NIBAN1: variants seen among roughly 807,000 people sequenced by gnomAD.
The protein encoded by NIBAN1 is niban apoptosis regulator 1, also known as protein Niban 1.
In NIBAN1, 81 loss-of-function variants were observed where a neutral mutation model predicts 75.1. The observed-to-expected ratio is 1.08, with a 90% confidence interval of 0.90 to 1.30. NIBAN1 has a LOEUF of 1.30. Ranked by LOEUF, NIBAN1 falls within the 50% of genes most tolerant of loss-of-function variation. NIBAN1 has a pLI of 0.00. For missense variants in NIBAN1, 1,133 were observed against 1,128.1 expected (o/e 1.00, Z -0.06); for synonymous variants, 436 against 424.8 (o/e 1.03, Z -0.32).
intron 11 of NIBAN1, among the ~76,000 whole-genome samples, chr1:184,804,209 A>G (rs1654125614): frequency 1.3e-5 from 2 of 152,244 alleles, no homozygotes; most frequent in South Asian, 2.1e-4. Flanking sequence ...ACATCCCAAC[A>G]TGGAGACCAG....
In NIBAN1 at chr1:184,808,073, C is replaced by T; in HGVS notation, c.1335+1G>A. On this transcript the variant is annotated splice_donor_variant, in intron 10 of 13. Coordinates refer to ENST00000367511, the MANE Select transcript of NIBAN1 (RefSeq NM_052966.4). LOFTEE classifies it high-confidence loss of function. ...ACCACGGATGCCCCTGCCACACCCA[C>T]CTCCTGCATGTAGTTCTGTGTCCTC... The T allele has an allele frequency of 1.2e-6, 2 of 1,613,822 alleles. No individual in the cohort carries two copies. The highest frequency in any genetic ancestry group is 1.7e-6 in the Non-Finnish European group (2 of 1,179,838).
chr1:184,969,142 T>A (rs945941544), intron 1 of NIBAN1, among the ~76,000 whole-genome samples: 2 of 152,254 alleles, frequency 1.3e-5, no homozygotes, highest in Non-Finnish European at 2.9e-5. Context: ...TGGGAGTTCA[T>A]GTGGACAGCT....
At chr1:184,952,350 G>A (rs921848408) in intron 1 of NIBAN1, among the ~76,000 whole-genome samples, 1 of 152,184 alleles carries the variant, frequency 6.6e-6, no homozygotes, top group African/African-American at 2.4e-5. Flanking sequence ...GTTGCAGTGA[G>A]CCATCGCACC....
Position 184,906,289 on chromosome 1 carries a change from G to GCACA in NIBAN1, c.56-6984_56-6981dup, listed in dbSNP as rs55646396. Among the ~76,000 whole-genome samples, 8 of 140,420 alleles carry GCACA rather than the reference G, an allele frequency of 5.7e-5. No individual in the cohort carries two copies. In the South Asian group the frequency reaches 1.1e-3, roughly 20 times the overall value. 92.1% of individuals were successfully genotyped at this position (140,420 alleles called of 152,430 possible). On this transcript the variant is annotated intron_variant, in intron 1 of 13. Coordinates refer to ENST00000367511, the MANE Select transcript of NIBAN1 (RefSeq NM_052966.4). ...AATGAACACACACACACACACACAT[G>GCACA]CACACACACACACACATTTGAAATT...
chr1:184,848,173 A>AT (rs1427940538), intron 5 of NIBAN1, among the ~76,000 whole-genome samples: 2 of 174 alleles, frequency 0.011, no homozygotes, highest in Non-Finnish European at 0.026. Context: ...CAGAATATAC[A>AT]TTTTTTTCAG....
rs535019746 is a variant in NIBAN1 at position 184,917,467 on chromosome 1, C to T, written c.56-18158G>A. Among the ~76,000 whole-genome samples, 4 of 151,360 alleles carry T rather than the reference C, an allele frequency of 2.6e-5. No homozygotes were observed. In the East Asian group the frequency reaches 7.8e-4, roughly 30 times the overall value. ...CTCGTGATCCGCCCGCCTCGGCCTC[C>T]CAAAGTGCTGGGATTACAGGCGTGA... On this transcript the variant is annotated intron_variant, in intron 1 of 13. Coordinates refer to ENST00000367511, the MANE Select transcript of NIBAN1 (RefSeq NM_052966.4).
At chr1:184,968,944 T>A (rs189065432) in intron 1 of NIBAN1, among the ~76,000 whole-genome samples, 207 of 152,336 alleles carry the variant, frequency 1.4e-3, no homozygotes, top group Middle Eastern at 3.4e-3. Context: ...GGACACCTCA[T>A]GGTCCATGAC....
chr1:184,823,327 G>T lies in NIBAN1; in HGVS notation c.825C>A (p.Leu275=). The T allele has an allele frequency of 6.2e-7, 1 of 1,613,984 alleles. No individual in the cohort carries two copies. The highest frequency in any genetic ancestry group is 2.2e-5 in the East Asian group (1 of 44,876). The stretch of plus-strand genomic sequence containing the variant: ...GAACCAGGGTGTAGGCCTCCTCGAG[G>T]AGCTGCAACAAGGAATAACACATAA... ...KNDRKRTWLG[L]LEEAYTLVQH... is the part of the protein sequence containing the mutation. The change falls in exon 8 of 14, where the codon CTC becomes CTA. Residue 275 remains leucine (L), a splice_region_variant and synonymous_variant. Coordinates refer to ENST00000367511, the MANE Select transcript of NIBAN1 (RefSeq NM_052966.4).
chr1:184,921,219 C>T (rs1316291143), intron 1 of NIBAN1, among the ~76,000 whole-genome samples: 1 of 151,852 alleles, frequency 6.6e-6, no homozygotes, highest in African/African-American at 2.4e-5. Flanking sequence ...ATCACTTGAA[C>T]CCGGGAGGCG....
chr1:184,898,631 C>T (rs139707673), intron 2 of NIBAN1, among the ~76,000 whole-genome samples: 6 of 152,220 alleles, frequency 3.9e-5, no homozygotes, highest in African/African-American at 1.4e-4. Context: ...TAAAATAAGA[C>T]TCGCTTTATT....
At chr1:184,952,715 T>C (rs1658389848) in intron 1 of NIBAN1, among the ~76,000 whole-genome samples, 1 of 152,232 alleles carries the variant, frequency 6.6e-6, no homozygotes, top group South Asian at 2.1e-4. Context: ...TGCTGCAAAT[T>C]AAGGTTTATA....
chr1:184,907,933 A>C (rs745472861), intron 1 of NIBAN1, among the ~76,000 whole-genome samples: 1 of 152,210 alleles, frequency 6.6e-6, no homozygotes, highest in Non-Finnish European at 1.5e-5. Flanking sequence ...TCTGTGATTT[A>C]CTTTGGATAT....
intron 1 of NIBAN1, among the ~76,000 whole-genome samples, chr1:184,899,830 T>G: frequency 1.8e-5 from 2 of 112,822 alleles, no homozygotes; most frequent in South Asian, 6.1e-4. Flanking sequence ...TTTTTTTTTT[T>G]CTTGAGACAG....
At chr1:184,970,374 C>T (rs146190892) in intron 1 of NIBAN1, among the ~76,000 whole-genome samples, 1 of 152,036 alleles carries the variant, frequency 6.6e-6, no homozygotes. Flanking sequence ...AAATTATGAC[C>T]GAAGAAGCAA....
rs756020460 is a variant in NIBAN1, at chr1:184,974,331, A to G, written c.26T>C (p.Leu9Pro). The G allele has an allele frequency of 2.0e-5, 32 of 1,566,394 alleles. No individual in the cohort carries two copies. Among genetic ancestry groups the G allele is most frequent in the Middle Eastern group, 3.3e-4 (2 of 6,046 alleles). ...GATGTAAGCGCACTTGCCCTCGTCC[A>G]GCTGGCTGGAGGCTGAGCCGCCCAT... MGGSASSQ[L>P]DEGKCAYIRG... The change falls in exon 1 of 14, where the codon CTG becomes CCG. Residue 9 changes from leucine (L) to proline (P), a missense_variant. Coordinates refer to ENST00000367511, the MANE Select transcript of NIBAN1 (RefSeq NM_052966.4).
chr1:184,896,931 AT>A (rs1317185701), intron 2 of NIBAN1, among the ~76,000 whole-genome samples: 2 of 151,840 alleles, frequency 1.3e-5, no homozygotes, highest in African/African-American at 4.8e-5. Flanking sequence ...TACCATGCTG[AT>A]TTAGTTAGTA....
chr1:184,923,629 C>T (rs974862068), intron 1 of NIBAN1, among the ~76,000 whole-genome samples: 11 of 152,060 alleles, frequency 7.2e-5, no homozygotes, highest in Non-Finnish European at 1.5e-4. Context: ...ATAAGGATTG[C>T]ATTGAATCTG....
chr1:184,862,312 T>C (rs1460134100), intron 5 of NIBAN1, among the ~76,000 whole-genome samples: 1 of 142,840 alleles, frequency 7.0e-6, no homozygotes, highest in Non-Finnish European at 1.5e-5. Context: ...TTTTTCATAC[T>C]TTTTTTTTTT....
rs765341547 is a variant in NIBAN1, at chr1:184,795,274, GC to G, written c.2489del (p.Gly830AlafsTer17). The G allele has an allele frequency of 1.2e-6, 2 of 1,612,786 alleles. No homozygotes were observed. Among genetic ancestry groups the G allele is most frequent in the South Asian group, 2.2e-5 (2 of 91,086 alleles). ...CTLTAHEGRGGKCTEEGDASQ... is the reference protein window; with the variant it reads ...CTLTAHEGRGXKCTEEGDASQ... ...AGGCATCCCCTTCCTCGGTACACTT[GC>G]CCCCTCTTCCTTCATGGGCAGTGAG... is the stretch of plus-strand genomic sequence containing the variant. On this transcript the variant is annotated frameshift_variant, in exon 14 of 14. Coordinates refer to ENST00000367511, the MANE Select transcript of NIBAN1 (RefSeq NM_052966.4). LOFTEE classifies it low-confidence loss of function (END_TRUNC).
Sources: allele counts gnomAD v4.1 joint callset (sites outside exome capture counted in the v4.1 genomes callset), GRCh38; gene constraint gnomAD v4.1.1; transcripts MANE v1.5; gene names NCBI Gene and HGNC (gene_info 2026-07-23, HGNC 2026-07-21).